The following ZNF804B variants were observed in gnomAD, a reference collection of about 807,000 sequenced individuals.
ZNF804B encodes zinc finger protein 804B.
A neutral mutation model predicts 101.4 loss-of-function variants in ZNF804B; 80 were observed. The ratio of observed to expected loss-of-function variants is 0.79; its 90% CI spans 0.66 to 0.95. ZNF804B has a LOEUF of 0.95. Ranked by LOEUF, ZNF804B falls within the 40% of genes least tolerant of loss-of-function variation. ZNF804B has a pLI of 0.00. For missense variants in ZNF804B, 1,673 were observed against 1,561.9 expected (o/e 1.07, Z -1.20); for synonymous variants, 622 against 558.8 (o/e 1.11, Z -1.59).
At chr7:89,186,513 T>G (rs1338481819) in intron 1 of ZNF804B, among the ~76,000 whole-genome samples, 1 of 152,136 alleles carries the variant, frequency 6.6e-6, no homozygotes, top group East Asian at 1.9e-4. Flanking sequence ...AAGCAATTTC[T>G]GTCATGTGGC....
chr7:88,903,000 G>A (rs1270678376), intron 1 of ZNF804B, among the ~76,000 whole-genome samples: 1 of 151,924 alleles, frequency 6.6e-6, no homozygotes, highest in African/African-American at 2.4e-5. Flanking sequence ...TTGTTACATG[G>A]ATATATTGCA....
intron 1 of ZNF804B, among the ~76,000 whole-genome samples, chr7:88,844,405 C>T (rs1227905721): frequency 3.9e-5 from 6 of 152,142 alleles, no homozygotes; most frequent in Non-Finnish European, 8.8e-5. Flanking sequence ...TTTTTTGTGA[C>T]ATTGACTAGT....
chr7:88,860,545 A>G (rs528181241), intron 1 of ZNF804B, among the ~76,000 whole-genome samples: 40 of 152,232 alleles, frequency 2.6e-4, no homozygotes, highest in African/African-American at 9.4e-4. Flanking sequence ...GATCAAAGCA[A>G]CTTACCCAAG....
rs28405519 is a variant in ZNF804B at position 88,818,004 on chromosome 7, A to C, written c.108+57920A>C. Among the ~76,000 whole-genome samples, 328 of 152,220 alleles carry C rather than the reference A, an allele frequency of 2.2e-3. 1 individual carries two copies. Among genetic ancestry groups the C allele is most frequent in the African/African-American group, 7.6e-3 (316 of 41,536 alleles). On this transcript the variant is annotated intron_variant, in intron 1 of 3. Transcript: ENST00000333190. ...ATAATTTTGTGAGATGAGGCCTGTA[A>C]AGTGCTTGGCATTGTGCTCAGGCCA... is the stretch of plus-strand genomic sequence containing the variant.
intron 1 of ZNF804B, among the ~76,000 whole-genome samples, chr7:89,015,509 C>T (rs1788536552): frequency 6.6e-6 from 1 of 151,870 alleles, no homozygotes; most frequent in East Asian, 2.0e-4. Flanking sequence ...ACAACAGTCC[C>T]CAGAGTGTAA....
intron 2 of ZNF804B, among the ~76,000 whole-genome samples, chr7:89,310,085 C>CAA (rs35079487): frequency 2.4e-5 from 3 of 123,048 alleles, no homozygotes; most frequent in African/African-American, 6.2e-5. Flanking sequence ...GTTTTTAAGG[C>CAA]AAAAAAAAAA....
intron 1 of ZNF804B, 108 bp from the exon 2 acceptor site, chr7:89,218,047 A>G: frequency 9.0e-7 from 1 of 1,112,674 alleles, no homozygotes; most frequent in East Asian, 2.5e-5. Context: ...CCAGAAAACA[A>G]TGTGCTCCGT....
intron 1 of ZNF804B, among the ~76,000 whole-genome samples, chr7:88,791,390 TTTATTTTCCAG>T (rs1790379305): frequency 6.6e-6 from 1 of 152,154 alleles, no homozygotes; most frequent in Non-Finnish European, 1.5e-5. Flanking sequence ...TCACACTGTG[TTTATTTTCCAG>T]TTATTTTCAT....
chr7:88,987,008 A>T (rs1209201018), intron 1 of ZNF804B, among the ~76,000 whole-genome samples: 1 of 152,112 alleles, frequency 6.6e-6, no homozygotes, highest in African/African-American at 2.4e-5. Flanking sequence ...GGAGCCTGTT[A>T]TTCAAAATTC....
intron 1 of ZNF804B, among the ~76,000 whole-genome samples, chr7:88,861,760 T>C (rs1791650109): frequency 6.6e-6 from 1 of 152,200 alleles, no homozygotes; most frequent in Admixed American, 6.5e-5. Context: ...GAATAAGATA[T>C]CTTATTCTTA....
At chr7:88,778,767 C>T (rs892723499) in intron 1 of ZNF804B, among the ~76,000 whole-genome samples, 3 of 152,190 alleles carry the variant, frequency 2.0e-5, no homozygotes, top group Admixed American at 6.5e-5. Flanking sequence ...AGGCATTACC[C>T]TGAAAGTACT....
Position 88,875,005 on chromosome 7 carries a change from T to C in ZNF804B, c.108+114921T>C, listed in dbSNP as rs1169443561. 1.4e-3 allele frequency among the ~76,000 whole-genome samples: 183 copies of C among 128,664 alleles called. 1 individual carries two copies. The highest frequency in any genetic ancestry group is 5.5e-3 in the African/African-American group (167 of 30,366). The allele number at this position is 128,664 out of a possible 152,430, so 84.4% of individuals were successfully genotyped here. A position where few individuals can be genotyped will look rare whatever the true frequency, so the allele number is the denominator to read the frequency against. On this transcript the variant is annotated intron_variant, in intron 1 of 3. Transcript: ENST00000333190. Reference sequence around the variant, plus strand: ...AAACTAGAACTGAGGATTAAGAATCTCACTCAAAACCGCTCAACTACATGG... The same window carrying C: ...AAACTAGAACTGAGGATTAAGAATCCCACTCAAAACCGCTCAACTACATGG...
chr7:88,794,227 AT>A (rs1790434328), intron 1 of ZNF804B: 1 of 1,613,282 alleles, frequency 6.2e-7, no homozygotes, highest in African/African-American at 1.3e-5. Context: ...ATCCAGAGTG[AT>A]GTGTATGGGT....
intron 1 of ZNF804B, among the ~76,000 whole-genome samples, chr7:89,017,517 A>T (rs1416143675): frequency 5.3e-5 from 8 of 152,086 alleles, no homozygotes; most frequent in African/African-American, 1.9e-4. Flanking sequence ...ATGATTCCAC[A>T]TGGAGTTGAG....
At chr7:88,948,102 C>T (rs1310219489) in intron 1 of ZNF804B, among the ~76,000 whole-genome samples, 2 of 151,782 alleles carry the variant, frequency 1.3e-5, no homozygotes, top group Non-Finnish European at 2.9e-5. Context: ...GGTAAAAGGG[C>T]CCAGGAGACT....
intron 2 of ZNF804B, among the ~76,000 whole-genome samples, chr7:89,260,253 GCATTTA>G (rs1413956044): frequency 3.3e-5 from 5 of 152,074 alleles, no homozygotes; most frequent in Non-Finnish European, 7.4e-5. Flanking sequence ...AAACCCAAGT[GCATTTA>G]CAGTAAACAG....
At chr7:89,152,204 T>A (rs192689847) in intron 1 of ZNF804B, among the ~76,000 whole-genome samples, 228 of 152,136 alleles carry the variant, frequency 1.5e-3, no homozygotes, top group Non-Finnish European at 2.8e-3. Context: ...TTTAAAAATA[T>A]TTCATAGCAA....
At chr7:89,144,093 T>C (rs949533349) in intron 1 of ZNF804B, among the ~76,000 whole-genome samples, 1 of 152,018 alleles carries the variant, frequency 6.6e-6, no homozygotes, top group Non-Finnish European at 1.5e-5. Flanking sequence ...TAATACAGTA[T>C]TTATGAAACC....
intron 2 of ZNF804B, among the ~76,000 whole-genome samples, chr7:89,287,042 G>A (rs922551421): frequency 6.6e-6 from 1 of 151,948 alleles, no homozygotes; most frequent in South Asian, 2.1e-4. Flanking sequence ...TTTTTATGGT[G>A]ATCCACTTCC....
Sources: gnomAD v4.1 joint callset for allele counts (sites outside exome capture counted in the v4.1 genomes callset) on GRCh38, gnomAD v4.1.1 for gene constraint, MANE v1.5 for transcripts, NCBI Gene and HGNC (gene_info 2026-07-23, HGNC 2026-07-21) for gene names.